The following TDRD5 variants were observed in gnomAD, a reference collection of about 807,000 sequenced individuals.
TDRD5 encodes tudor domain containing 5, also known as tudor domain-containing protein 5.
In TDRD5, 41 loss-of-function variants were observed where a neutral mutation model predicts 120.6. The ratio of observed to expected loss-of-function variants is 0.34; its 90% CI spans 0.26 to 0.44. TDRD5 has a LOEUF of 0.44. Ranked by LOEUF, TDRD5 falls within the 20% of genes least tolerant of loss-of-function variation. The pLI is 1.00. For synonymous variants in TDRD5, 430 were observed against 433.7 expected (o/e 0.99, Z 0.11); for missense variants, 1,006 against 1,221.2 (o/e 0.82, Z 2.63).
At chr1:179,624,119 T>G (rs1156664577) in intron 6 of TDRD5, among the ~76,000 whole-genome samples, 1 of 152,100 alleles carries the variant, frequency 6.6e-6, no homozygotes, top group African/African-American at 2.4e-5. Flanking sequence ...AAGGTTGGAG[T>G]AACATTTCAA....
At position 179,593,519 on chromosome 1, in the gene TDRD5, C is replaced by T; in HGVS notation, c.292C>T (p.His98Tyr). 1 of 1,614,198 alleles carries T rather than the reference C, an allele frequency of 6.2e-7. No homozygotes were observed. Among genetic ancestry groups the T allele is most frequent in the South Asian group, 1.1e-5 (1 of 91,086 alleles). ...CTTAGTTGCAAAACAGAGGAGCAGC[C>T]ATAAGCTTCGAAACTCAATGCATAA... ...ASLVAKQRSS[H>Y]KLRNSMHKGR... is the part of the protein sequence containing the mutation. Residue 98 changes from histidine to tyrosine, a missense_variant, in exon 3 of 18, where the codon CAT becomes TAT. His to Tyr is a moderately conservative substitution (Grantham distance 83). Transcript: ENST00000444136.
rs150066070 is a variant in TDRD5, at chr1:179,593,644, G to A, written c.417G>A (p.Leu139=). The A allele has an allele frequency of 9.0e-5, 145 of 1,614,242 alleles. 1 individual carries two copies. In the African/African-American group the frequency reaches 1.9e-3, roughly 21 times the overall value. Residue 139 remains leucine (L), a synonymous_variant, in exon 3 of 18, where the codon TTG becomes TTA. Transcript: ENST00000444136. ...TTCCAGCTGTTGTGAAGAGTGAGTT[G>A]AAGGACCTGTTGGCGTTATCTCCTG... ...PILPAVVKSE[L]KDLLALSPVL...
chr1:179,669,092 A>T, intron 16 of TDRD5, 102 bp from the exon 17 acceptor site: 2 of 1,069,200 alleles, frequency 1.9e-6, no homozygotes, highest in Non-Finnish European at 2.7e-6. Flanking sequence ...ATTTATTATA[A>T]TATGGAAATA....
chr1:179,591,751 A>AC (rs1675114373), upstream of TDRD5: 1 of 152,354 alleles, frequency 6.6e-6, no homozygotes, highest in Non-Finnish European at 1.5e-5. Context: ...ATCCTGCCCA[A>AC]CCGTCCCACC....
At chr1:179,623,916 G>A (rs1187079772) in intron 6 of TDRD5, among the ~76,000 whole-genome samples, 2 of 151,934 alleles carry the variant, frequency 1.3e-5, no homozygotes, top group African/African-American at 4.8e-5. Flanking sequence ...TGAGATTACA[G>A]GCATGAGCCA....
At chr1:179,596,665 T>C (rs1326956774) in intron 4 of TDRD5, among the ~76,000 whole-genome samples, 1 of 152,240 alleles carries the variant, frequency 6.6e-6, no homozygotes, top group Non-Finnish European at 1.5e-5. Flanking sequence ...CTTTTTCTTG[T>C]TTAGTGTTAG....
chr1:179,593,401 A>G (rs1675220922), intron 2 of TDRD5, 59 bp from the exon 3 acceptor site: 13 of 1,530,878 alleles, frequency 8.5e-6, no homozygotes, highest in Non-Finnish European at 1.2e-5. Flanking sequence ...ACAGATACTA[A>G]GGATAAAGAA....
intron 14 of TDRD5, among the ~76,000 whole-genome samples, chr1:179,655,489 G>A (rs1317148058): frequency 6.6e-6 from 1 of 151,784 alleles, no homozygotes; most frequent in Admixed American, 6.6e-5. Context: ...CTGTTTTGGT[G>A]TACTATTCTA....
At position 179,691,127 on chromosome 1, in the gene TDRD5, A is replaced by G. The variant is rs1025133725; in HGVS notation, c.*184A>G. 3 of 669,340 alleles carry G rather than the reference A, an allele frequency of 4.5e-6. No homozygotes were observed. The highest frequency in any genetic ancestry group is 7.4e-5 in the Admixed American group (2 of 26,980). 41.5% of individuals were successfully genotyped at this position (669,340 alleles called of 1,614,324 possible). The stretch of plus-strand genomic sequence containing the variant: ...CTTTGATGTGTAAGTAAGTATTGAT[A>G]TTTACTGTTAATCTTGATTTTTCTT... On this transcript the variant is annotated 3_prime_UTR_variant, in exon 18 of 18. Transcript: ENST00000444136.
chr1:179,676,302 A>G (rs1424126598), intron 17 of TDRD5, among the ~76,000 whole-genome samples: 2 of 152,298 alleles, frequency 1.3e-5, no homozygotes, highest in East Asian at 3.9e-4. Context: ...ATTCTTATCC[A>G]TTCTGCAGTT....
intron 16 of TDRD5, among the ~76,000 whole-genome samples, chr1:179,664,738 G>A (rs1190742009): frequency 6.6e-6 from 1 of 152,020 alleles, no homozygotes; most frequent in Non-Finnish European, 1.5e-5. Flanking sequence ...TTCACATTTT[G>A]GCTATTATGC....
Position 179,593,452 on chromosome 1 carries a change from C to A in TDRD5, c.233-8C>A. 1 of 1,607,984 alleles carries A rather than the reference C, an allele frequency of 6.2e-7. No individual in the cohort carries two copies. The highest frequency in any genetic ancestry group is 8.5e-7 in the Non-Finnish European group (1 of 1,175,642). ...TCCTAAATATGATTTCTATTTTTCA[C>A]GTCTCAGCCATTCCAGATGAATCTA... is the stretch of plus-strand genomic sequence containing the variant. On this transcript the variant is annotated splice_polypyrimidine_tract_variant and splice_region_variant and intron_variant, in intron 2 of 17. Coordinates refer to ENST00000444136, the MANE Select transcript of TDRD5 (RefSeq NM_001199085.3).
intron 9 of TDRD5, among the ~76,000 whole-genome samples, chr1:179,636,588 A>G (rs902462393): frequency 6.6e-6 from 1 of 152,270 alleles, no homozygotes; most frequent in Non-Finnish European, 1.5e-5. Flanking sequence ...TGAATGGATC[A>G]TACAACTTTA....
chr1:179,670,000 C>A (rs1481134898), intron 17 of TDRD5, among the ~76,000 whole-genome samples: 7 of 152,314 alleles, frequency 4.6e-5, no homozygotes, highest in East Asian at 1.9e-4. Flanking sequence ...TTAATGGACA[C>A]CTATGTTGTT....
chr1:179,618,086 C>T, intron 4 of TDRD5, among the ~76,000 whole-genome samples: 1 of 152,146 alleles, frequency 6.6e-6, no homozygotes, highest in Non-Finnish European at 1.5e-5. Context: ...TACCTTCTGA[C>T]TCCACATTCA....
chr1:179,647,758 C>A (rs942448992), intron 11 of TDRD5, among the ~76,000 whole-genome samples: 1 of 149,374 alleles, frequency 6.7e-6, no homozygotes, highest in African/African-American at 2.5e-5. Context: ...AAGAAAAAAA[C>A]AAACAACCCC....
chr1:179,595,616 TACTC>T lies in TDRD5; in HGVS notation c.641-9_641-6del. On this transcript the variant is annotated splice_polypyrimidine_tract_variant and splice_region_variant and intron_variant, in intron 3 of 17. Transcript: ENST00000444136. Reference sequence around the variant, plus strand: ...TGACAATTTTTCTTTCTTCTTCTATTACTCACAAAAGGTAAAATTTTTACCCAGC... The same window carrying T: ...TGACAATTTTTCTTTCTTCTTCTATTACAAAAGGTAAAATTTTTACCCAGC... 6.5e-7 allele frequency: 1 copy of T among 1,540,356 alleles called. No individual in the cohort carries two copies. The highest frequency in any genetic ancestry group is 8.7e-7 in the Non-Finnish European group (1 of 1,145,624).
intron 3 of TDRD5, among the ~76,000 whole-genome samples, chr1:179,594,089 G>T (rs921386926): frequency 6.6e-6 from 1 of 152,300 alleles, no homozygotes; most frequent in African/African-American, 2.4e-5. Context: ...TACATGAGGT[G>T]AGTTCTGTAA....
intron 3 of TDRD5, among the ~76,000 whole-genome samples, chr1:179,595,347 C>A (rs1371971076): frequency 6.6e-6 from 1 of 152,046 alleles, no homozygotes; most frequent in African/African-American, 2.4e-5. Flanking sequence ...CATATTGAAT[C>A]CCACCTCTCT....
Sources: allele counts gnomAD v4.1 joint callset (sites outside exome capture counted in the v4.1 genomes callset), GRCh38; gene constraint gnomAD v4.1.1; transcripts MANE v1.5; gene names NCBI Gene and HGNC (gene_info 2026-07-23, HGNC 2026-07-21).